GPC5: variants seen among roughly 807,000 people sequenced by gnomAD.
The protein encoded by GPC5 is glypican 5, also known as glypican-5.
A neutral mutation model predicts 53.9 loss-of-function variants in GPC5; 47 were observed. The observed-to-expected ratio is 0.87, with a 90% CI of 0.69 to 1.11. The LOEUF (loss-of-function observed/expected upper bound fraction) is 1.11. Ranked by LOEUF, GPC5 falls within the 50% of genes most tolerant of loss-of-function variation. GPC5 has a pLI of 0.00. For synonymous variants in GPC5, 286 were observed against 263.3 expected (o/e 1.09, Z -0.84); for missense variants, 748 against 713.1 (o/e 1.05, Z -0.56).
At chr13:92,598,358 A>T (rs1883942244) in intron 7 of GPC5, among the ~76,000 whole-genome samples, 1 of 151,638 alleles carries the variant, frequency 6.6e-6, no homozygotes, top group African/African-American at 2.4e-5. Flanking sequence ...TCTCTCACTA[A>T]TTTTTCATGT....
intron 5 of GPC5, among the ~76,000 whole-genome samples, chr13:91,897,498 T>C (rs1368936409): frequency 6.6e-6 from 1 of 152,100 alleles, no homozygotes; most frequent in Admixed American, 6.6e-5. Context: ...AGAGAGGTGT[T>C]CATAATGAAA....
intron 7 of GPC5, among the ~76,000 whole-genome samples, chr13:92,741,094 GC>G (rs958217160): frequency 4.0e-5 from 6 of 150,502 alleles, no homozygotes; most frequent in Non-Finnish European, 5.9e-5. Context: ...GTTTGAATGT[GC>G]CCCCCAAATT....
chr13:92,278,299 A>T (rs1469318075), intron 7 of GPC5, among the ~76,000 whole-genome samples: 6 of 151,998 alleles, frequency 3.9e-5, no homozygotes, highest in Non-Finnish European at 8.8e-5. Flanking sequence ...AAAGACCGTA[A>T]CCACTTTGAT....
intron 7 of GPC5, among the ~76,000 whole-genome samples, chr13:92,283,561 T>C (rs1170016951): frequency 6.6e-6 from 1 of 152,180 alleles, no homozygotes; most frequent in African/African-American, 2.4e-5. Flanking sequence ...CACAGTGCAA[T>C]CAGACTAGAA....
chr13:91,535,943 A>C (rs78841240), intron 2 of GPC5, among the ~76,000 whole-genome samples: 109 of 152,288 alleles, frequency 7.2e-4, no homozygotes, highest in African/African-American at 2.5e-3. Flanking sequence ...ATAAATAGCT[A>C]ATGCTATTTT....
intron 7 of GPC5, among the ~76,000 whole-genome samples, chr13:92,424,458 T>C (rs1876733662): frequency 6.6e-6 from 1 of 152,112 alleles, no homozygotes; most frequent in African/African-American, 2.4e-5. Context: ...AAAAGAATTT[T>C]AAGTATTCTC....
chr13:92,015,647 T>C (rs1297307076), intron 6 of GPC5, among the ~76,000 whole-genome samples: 2 of 152,138 alleles, frequency 1.3e-5, no homozygotes, highest in East Asian at 1.9e-4. Flanking sequence ...TAAGAGCTTA[T>C]ATTTTGTGCC....
intron 2 of GPC5, among the ~76,000 whole-genome samples, chr13:91,493,803 C>T (rs1251510843): frequency 2.0e-5 from 3 of 152,002 alleles, no homozygotes; most frequent in Non-Finnish European, 4.4e-5. Context: ...AGAATAAAAG[C>T]AAATAGAGGA....
At chr13:92,710,769 G>A (rs1888107561) in intron 7 of GPC5, among the ~76,000 whole-genome samples, 2 of 152,198 alleles carry the variant, frequency 1.3e-5, no homozygotes, top group Middle Eastern at 6.8e-3. Flanking sequence ...AAGTGGTCAG[G>A]GGATCAAGCT....
intron 2 of GPC5, among the ~76,000 whole-genome samples, chr13:91,585,833 T>C (rs1347276319): frequency 2.0e-5 from 3 of 152,194 alleles, no homozygotes; most frequent in South Asian, 2.1e-4. Context: ...TTCATTTTAC[T>C]GTTTAAGTCA....
intron 1 of GPC5, among the ~76,000 whole-genome samples, chr13:91,415,069 CTGT>C (rs929081377): frequency 6.6e-6 from 1 of 152,186 alleles, no homozygotes; most frequent in African/African-American, 2.4e-5. Context: ...CCTTGCCTCC[CTGT>C]TGCTGGAGAT....
intron 7 of GPC5, among the ~76,000 whole-genome samples, chr13:92,388,540 A>G (rs1874849360): frequency 6.6e-6 from 1 of 152,110 alleles, no homozygotes. Context: ...TACCAGGAAT[A>G]TACCCGCAAT....
intron 2 of GPC5, among the ~76,000 whole-genome samples, chr13:91,469,935 G>A (rs1175234262): frequency 6.6e-6 from 1 of 152,112 alleles, no homozygotes; most frequent in Admixed American, 6.5e-5. Flanking sequence ...AGCTTCTCAG[G>A]AGGCTGAGGC....
intron 6 of GPC5, among the ~76,000 whole-genome samples, chr13:92,127,148 CGAAAAA>C (rs1594774003): frequency 6.6e-6 from 1 of 151,468 alleles, no homozygotes; most frequent in East Asian, 1.9e-4. Flanking sequence ...GAGGAAACAG[CGAAAAA>C]CCAGTGTGTT....
chr13:92,226,176 G>T (rs2042484737), intron 7 of GPC5, among the ~76,000 whole-genome samples: 1 of 152,028 alleles, frequency 6.6e-6, no homozygotes, highest in Non-Finnish European at 1.5e-5. Context: ...TAAGTTTCAT[G>T]AGTCCACCCC....
At chr13:91,679,730 A>G (rs1241424116) in intron 2 of GPC5, among the ~76,000 whole-genome samples, 1 of 152,236 alleles carries the variant, frequency 6.6e-6, no homozygotes, top group Admixed American at 6.5e-5. Flanking sequence ...CATTGCATTT[A>G]AGAAAGTCCA....
At chr13:91,849,990 A>G (rs903114648) in intron 5 of GPC5, among the ~76,000 whole-genome samples, 1 of 152,172 alleles carries the variant, frequency 6.6e-6, no homozygotes, top group Non-Finnish European at 1.5e-5. Context: ...TGAGGCAGGT[A>G]TTGAGATTTC....
intron 6 of GPC5, among the ~76,000 whole-genome samples, chr13:91,956,230 A>G (rs1257738733): frequency 6.6e-6 from 1 of 151,562 alleles, no homozygotes; most frequent in East Asian, 2.0e-4. Flanking sequence ...CTTGTGCACA[A>G]CTATTGGCTC....
intron 7 of GPC5, among the ~76,000 whole-genome samples, chr13:92,566,476 C>A (rs1455339303): frequency 6.6e-6 from 1 of 152,070 alleles, no homozygotes; most frequent in Non-Finnish European, 1.5e-5. Context: ...TACATCACAG[C>A]CCACAGGCTT....
Sources: gnomAD v4.1 joint callset for allele counts (sites outside exome capture counted in the v4.1 genomes callset) on GRCh38, gnomAD v4.1.1 for gene constraint, MANE v1.5 for transcripts, NCBI Gene and HGNC (gene_info 2026-07-23, HGNC 2026-07-21) for gene names.